Variants in GRIK4 observed in about 807,000 individuals in gnomAD.
The protein encoded by GRIK4 is glutamate ionotropic receptor kainate type subunit 4, also known as glutamate receptor ionotropic, kainate 4.
In GRIK4, 40 loss-of-function variants were observed where a neutral mutation model predicts 104.9. The observed-to-expected ratio is 0.38, with a 90% CI of 0.30 to 0.50. The LOEUF (loss-of-function observed/expected upper bound fraction) is 0.50, where lower values mean the gene tolerates loss of function less well. GRIK4 is among the 20% of genes least tolerant of loss of function. GRIK4 has a pLI of 0.93. For missense variants in GRIK4, 1,047 were observed against 1,308.1 expected (o/e 0.80, Z 3.08); for synonymous variants, 485 against 524.9 (o/e 0.92, Z 1.04).
chr11:120,857,350 G>C (rs916913612), intron 8 of GRIK4, among the ~76,000 whole-genome samples: 1 of 152,150 alleles, frequency 6.6e-6, no homozygotes, highest in African/African-American at 2.4e-5. Flanking sequence ...CTTCCACGTA[G>C]CTCTCAAGCC....
intron 3 of GRIK4, among the ~76,000 whole-genome samples, chr11:120,699,073 T>G (rs1292860009): frequency 6.6e-6 from 1 of 152,220 alleles, no homozygotes; most frequent in East Asian, 1.9e-4. Flanking sequence ...CCCTACACAC[T>G]GCATCTCTCG....
Position 120,952,290 on chromosome 11 carries a change from G to A in GRIK4, c.1591-565G>A, listed in dbSNP as rs1057380189. Among the ~76,000 whole-genome samples, 1 of 152,154 alleles carries A rather than the reference G, an allele frequency of 6.6e-6. No individual in the cohort carries two copies. The highest frequency in any genetic ancestry group is 2.4e-5 in the African/African-American group (1 of 41,408). On this transcript the variant is annotated intron_variant, in intron 14 of 20. Coordinates refer to ENST00000527524, the MANE Select transcript of GRIK4 (RefSeq NM_014619.5). This position sits in a 1 kb window ranked among gnomAD's most constrained non-coding sequence, Gnocchi z 5.2. Reference sequence around the variant, plus strand: ...TGGAACCTCGGGCACATCTCTGACTGCCCTCGGCTTTGGCTTCTTCACTTG... The same window carrying A: ...TGGAACCTCGGGCACATCTCTGACTACCCTCGGCTTTGGCTTCTTCACTTG...
At chr11:120,891,715 G>A (rs1955302249) in intron 11 of GRIK4, among the ~76,000 whole-genome samples, 1 of 152,168 alleles carries the variant, frequency 6.6e-6, no homozygotes, top group Non-Finnish European at 1.5e-5. Context: ...AAGAAAGATA[G>A]GCGGTAAGCA....
rs371137527 is a variant in GRIK4, at chr11:120,898,930, T to C, written c.1272+291T>C. Among the ~76,000 whole-genome samples, 4 of 152,178 alleles carry C rather than the reference T, an allele frequency of 2.6e-5. No homozygotes were observed. In the East Asian group the frequency reaches 5.8e-4, roughly 22 times the overall value. On this transcript the variant is annotated intron_variant, in intron 12 of 20. Transcript: ENST00000527524. ...TGTGCAGGAGGAAGGGAAGGGGACC[T>C]GTGACACAGAGCGGGCAGCTGGATC...
At position 120,709,008 on chromosome 11, in the gene GRIK4, A is replaced by C. The variant is rs1224077551; in HGVS notation, c.82+48608A>C. ...TTATAAAACCCAAGAGCTTGGGGAC[A>C]AACTGTATGGATGTGAGATGTATAA... On this transcript the variant is annotated intron_variant, in intron 3 of 20. Coordinates refer to ENST00000527524, the MANE Select transcript of GRIK4 (RefSeq NM_014619.5). Among the ~76,000 whole-genome samples the C allele has an allele frequency of 2.0e-5, 3 of 152,170 alleles. No individual in the cohort carries two copies. In the East Asian group the frequency reaches 5.8e-4, roughly 29 times the overall value.
chr11:120,574,623 G>C (rs570434183), intron 1 of GRIK4, among the ~76,000 whole-genome samples: 91 of 152,260 alleles, frequency 6.0e-4, no homozygotes, highest in African/African-American at 2.1e-3. Flanking sequence ...GATCTGTAAG[G>C]GCAGGGGCTA....
chr11:120,816,336 A>T (rs1373162386), intron 5 of GRIK4, among the ~76,000 whole-genome samples: 2 of 150,634 alleles, frequency 1.3e-5, no homozygotes, highest in Admixed American at 6.6e-5. Context: ...GTCTGCCCCA[A>T]GGGCCTTCCA....
At chr11:120,876,845 C>G (rs999637331) in intron 11 of GRIK4, among the ~76,000 whole-genome samples, 1 of 152,218 alleles carries the variant, frequency 6.6e-6, no homozygotes, top group Non-Finnish European at 1.5e-5. Context: ...AGGCCTATGA[C>G]AGGCCCCGGG....
intron 3 of GRIK4, among the ~76,000 whole-genome samples, chr11:120,730,315 G>A (rs1037933711): frequency 1.8e-4 from 28 of 152,224 alleles, no homozygotes; most frequent in African/African-American, 4.8e-4. Flanking sequence ...GTGCAATTGC[G>A]CCACTGCACT....
At chr11:120,908,272 C>A (rs753673514) in intron 13 of GRIK4, among the ~76,000 whole-genome samples, 2 of 152,196 alleles carry the variant, frequency 1.3e-5, no homozygotes, top group African/African-American at 4.8e-5. Flanking sequence ...AGAAAACACA[C>A]ATCTTGATGT....
At chr11:120,602,799 C>T (rs1162784701) in intron 1 of GRIK4, among the ~76,000 whole-genome samples, 1 of 152,174 alleles carries the variant, frequency 6.6e-6, no homozygotes, top group Non-Finnish European at 1.5e-5. Flanking sequence ...GACTCCTGGG[C>T]TCAGGCAATC....
At chr11:120,849,878 G>T (rs1565391425) in intron 8 of GRIK4, among the ~76,000 whole-genome samples, 1 of 152,248 alleles carries the variant, frequency 6.6e-6, no homozygotes, top group Non-Finnish European at 1.5e-5. Context: ...AGTCCAGCAT[G>T]GCATGACTGG....
chr11:120,526,432 A>T (rs1039900815), intron 1 of GRIK4, among the ~76,000 whole-genome samples: 3 of 152,192 alleles, frequency 2.0e-5, no homozygotes, highest in African/African-American at 7.2e-5. Context: ...TTCTGGGCTC[A>T]AGCGATCCTC....
chr11:120,784,068 A>G (rs1055839584), intron 3 of GRIK4, among the ~76,000 whole-genome samples: 1 of 152,220 alleles, frequency 6.6e-6, no homozygotes, highest in Admixed American at 6.5e-5. Flanking sequence ...CCCAGCATGT[A>G]GAACAGTGAC....
rs1391957107 is a variant in GRIK4 at position 120,549,331 on chromosome 11, C to T, written c.-159+37444C>T. On this transcript the variant is annotated intron_variant, in intron 1 of 20. Coordinates refer to ENST00000527524, the MANE Select transcript of GRIK4 (RefSeq NM_014619.5). The surrounding 1 kb of genome is among the most constrained non-coding windows in gnomAD (Gnocchi z 4.7). ...CCATGTTGGCCAGGCTGGTCTCAAA[C>T]TCTTGACCTCATGATGCACCCACCT... 6.6e-6 allele frequency among the ~76,000 whole-genome samples: 1 copy of T among 152,114 alleles called. No homozygotes were observed. Among genetic ancestry groups the T allele is most frequent in the African/African-American group, 2.4e-5 (1 of 41,416 alleles).
At chr11:120,781,075 T>G (rs1188765592) in intron 3 of GRIK4, among the ~76,000 whole-genome samples, 1 of 152,010 alleles carries the variant, frequency 6.6e-6, no homozygotes, top group African/African-American at 2.4e-5. Flanking sequence ...TGTACCATTT[T>G]ACATTCCCAC....
intron 3 of GRIK4, among the ~76,000 whole-genome samples, chr11:120,708,447 A>G (rs1450137553): frequency 5.9e-5 from 9 of 152,098 alleles, no homozygotes; most frequent in Non-Finnish European, 1.3e-4. Context: ...GACCAGAAAT[A>G]GCCTCCTACT....
At chr11:120,692,263 C>A (rs1248862256) in intron 3 of GRIK4, among the ~76,000 whole-genome samples, 1 of 152,242 alleles carries the variant, frequency 6.6e-6, no homozygotes, top group East Asian at 1.9e-4. Flanking sequence ...CCCTCCAGGG[C>A]ATACTCAGCA....
chr11:120,786,010 G>C (rs1952263446), intron 3 of GRIK4, among the ~76,000 whole-genome samples: 1 of 152,154 alleles, frequency 6.6e-6, no homozygotes, highest in South Asian at 2.1e-4. Flanking sequence ...TTGCTCCCCA[G>C]TGCAACCTTC....
Sources: gnomAD v4.1 joint callset for allele counts (sites outside exome capture counted in the v4.1 genomes callset) on GRCh38, gnomAD v4.1.1 for gene constraint, Gnocchi (gnomAD v3.1) non-coding constraint, MANE v1.5 for transcripts, NCBI Gene and HGNC (gene_info 2026-07-23, HGNC 2026-07-21) for gene names.